CIC: variants seen among roughly 807,000 people sequenced by gnomAD.
CIC encodes the protein capicua transcriptional repressor.
In CIC, 18 loss-of-function variants were observed where a neutral mutation model predicts 115.7. The observed-to-expected ratio is 0.16, with a 90% CI of 0.11 to 0.23. The LOEUF (loss-of-function observed/expected upper bound fraction) is 0.23, where lower values mean the gene tolerates loss of function less well. Ranked by LOEUF, CIC falls within the 10% of genes least tolerant of loss-of-function variation. The probability of loss-of-function intolerance (pLI) is 1.00; values close to 1 mark genes in which losing one functional copy is unlikely to be tolerated. For missense variants in CIC, 2,000 were observed against 2,159.3 expected (o/e 0.93, Z 1.46); for synonymous variants, 1,076 against 923.0 (o/e 1.17, Z -3.01).
chr19:42,293,603 C>A lies in CIC; in HGVS notation c.6534C>A (p.Phe2178Leu), dbSNP rs1235302012. 1 of 1,613,832 alleles carries A rather than the reference C, an allele frequency of 6.2e-7. No individual in the cohort carries two copies. Among genetic ancestry groups the A allele is most frequent in the South Asian group, 1.1e-5 (1 of 91,064 alleles). The change falls in exon 17 of 21, where the codon TTC (phenylalanine) becomes TTA (leucine). Residue 2178 changes from phenylalanine (F) to leucine (L), a missense_variant. Transcript: ENST00000681038. ...CATCTCCACCCCAGGCCAGCAAATT[C>A]CCCAGCTCATCTTCAGACTGGCGCG... ...AKGPETMASK[F>L]PSSSSDWRVP...
rs1310469424 is a variant in CIC, at chr19:42,270,578, C to T, written c.-10-1196C>T. Among the ~76,000 whole-genome samples the T allele has an allele frequency of 6.6e-6, 1 of 152,188 alleles. No homozygotes were observed. The highest frequency in any genetic ancestry group is 1.5e-5 in the Non-Finnish European group (1 of 68,034). On this transcript the variant is annotated intron_variant, in intron 1 of 20. Transcript: ENST00000681038. This position sits in a 1 kb window ranked among gnomAD's most constrained non-coding sequence, Gnocchi z 4.1. Reference sequence around the variant, plus strand: ...AGGTTGGCCTGTTGGGCTTGTCCTGCTTTCTTTGACCTTATCCCACCTATC... The same window carrying T: ...AGGTTGGCCTGTTGGGCTTGTCCTGTTTTCTTTGACCTTATCCCACCTATC...
rs375847278 is a variant in CIC at position 42,289,456 on chromosome 19, C to T, written c.4087+50C>T. On this transcript the variant is annotated intron_variant, in intron 9 of 20. Transcript: ENST00000681038. The stretch of plus-strand genomic sequence containing the variant: ...TTGCCCAGGACCCAGCAGGCCAAGG[C>T]TCAGAGGGTGGGCAGAACTTGGATC... 75 of 1,538,496 alleles carry T rather than the reference C, an allele frequency of 4.9e-5. No homozygotes were observed. The African/African-American group carries it at 8.9e-4, about 18-fold the overall frequency.
Position 42,293,139 on chromosome 19 carries a change from C to T in CIC, c.6380C>T (p.Ala2127Val), listed in dbSNP as rs1266596425. ...CCTGGCCCAGTCCGAGAGCCAACTG[C>T]CCCAGAGTCTGAGCTTGAGGGGCAG... is the stretch of plus-strand genomic sequence containing the variant. The part of the protein sequence containing the change: ...LEPGPVREPT[A>V]PESELEGQPT... Residue 2127 changes from alanine (A) to valine (V), a missense_variant, in exon 16 of 21, where the codon GCC becomes GTC. Transcript: ENST00000681038. 1.9e-6 allele frequency: 3 copies of T among 1,607,746 alleles called. No homozygotes were observed. Among genetic ancestry groups the T allele is most frequent in the Non-Finnish European group, 2.5e-6 (3 of 1,177,824 alleles).
rs771503918 is a variant in CIC, at chr19:42,289,174, C to T, written c.3862-7C>T. 14 of 1,613,284 alleles carry T rather than the reference C, an allele frequency of 8.7e-6. No individual in the cohort carries two copies. Among genetic ancestry groups the T allele is most frequent in the Admixed American group, 8.3e-5 (5 of 60,028 alleles). The stretch of plus-strand genomic sequence containing the variant: ...CCGCTGAACCCTCTCTGCCACCTAT[C>T]CTGCAGATGGTGTCTGGCCCTGCAT... On this transcript the variant is annotated splice_region_variant and splice_polypyrimidine_tract_variant and intron_variant, in intron 8 of 20. Coordinates refer to ENST00000681038, the MANE Select transcript of CIC (RefSeq NM_001386298.1).
Position 42,295,143 on chromosome 19 carries a change from G to GGGGGGGCCCCCCCCCCC in CIC, c.7506_7507insGGGGGGCCCCCCCCCCC (p.Pro2503GlyfsTer32). 1 of 1,382,722 alleles carries GGGGGGGCCCCCCCCCCC rather than the reference G, an allele frequency of 7.2e-7. No individual in the cohort carries two copies. Among genetic ancestry groups the GGGGGGGCCCCCCCCCCC allele is most frequent in the Non-Finnish European group, 9.6e-7 (1 of 1,037,810 alleles). 85.7% of individuals were successfully genotyped at this position (1,382,722 alleles called of 1,614,324 possible). On this transcript the variant is annotated frameshift_variant, in exon 21 of 21. Transcript: ENST00000681038. LOFTEE classifies it high-confidence loss of function. Reference sequence around the variant, plus strand: ...AGCCTGGCTGGGAGGGGGCTCCCCAGCCCTCCCCCCCACCCCCAGGTCCCT... The same window carrying GGGGGGGCCCCCCCCCCC: ...AGCCTGGCTGGGAGGGGGCTCCCCAGGGGGGGCCCCCCCCCCCCCCTCCCCCCCACCCCCAGGTCCCT...
Position 42,295,143 on chromosome 19 carries a change from G to GGGGGCC in CIC, c.7506_7507insGGGGCC (p.Gln2502_Pro2503insGlyAla). On this transcript the variant is annotated inframe_insertion, in exon 21 of 21. Coordinates refer to ENST00000681038, the MANE Select transcript of CIC (RefSeq NM_001386298.1). Reference sequence around the variant, plus strand: ...AGCCTGGCTGGGAGGGGGCTCCCCAGCCCTCCCCCCCACCCCCAGGTCCCT... The same window carrying GGGGGCC: ...AGCCTGGCTGGGAGGGGGCTCCCCAGGGGGCCCCCTCCCCCCCACCCCCAGGTCCCT... 6.9e-5 allele frequency: 95 copies of GGGGGCC among 1,382,266 alleles called. No homozygotes were observed. Among genetic ancestry groups the GGGGGCC allele is most frequent in the Middle Eastern group, 2.4e-4 (1 of 4,114 alleles). The allele number at this position is 1,382,266 out of a possible 1,614,324, so 85.6% of individuals were successfully genotyped here.
chr19:42,271,958 G>T lies in CIC; in HGVS notation c.175G>T (p.Ala59Ser), dbSNP rs755947345. The T allele has an allele frequency of 5.0e-6, 2 of 399,314 alleles. No homozygotes were observed. Among genetic ancestry groups the T allele is most frequent in the Non-Finnish European group, 8.8e-6 (2 of 226,560 alleles). 24.7% of individuals were successfully genotyped at this position (399,314 alleles called of 1,614,324 possible). ...GCAACCACAGTCCGGGCCCGAAGAGGCTGAGGAAGGGGAGGAGGAGGAGGC... is the reference window on the plus strand; with the variant it reads ...GCAACCACAGTCCGGGCCCGAAGAGTCTGAGGAAGGGGAGGAGGAGGAGGC... ...QPQPQSGPEE[A>S]EEGEEEEAER... Residue 59 changes from alanine to serine, a missense_variant, in exon 2 of 21, where the codon GCT (alanine) becomes TCT (serine). This residue lies in a region of CIC where 222 missense variants were observed against 247.7 expected (regional missense o/e 0.90). Transcript: ENST00000681038.
At chr19:42,283,238 G>C (rs2147112945) in intron 2 of CIC, among the ~76,000 whole-genome samples, 1 of 152,130 alleles carries the variant, frequency 6.6e-6, no homozygotes, top group Admixed American at 6.6e-5. Context: ...TGTGTGTAGT[G>C]GACAAGCAGG....
chr19:42,290,032 A>C (rs1223456519), intron 10 of CIC, 81 bp downstream of exon 10: 4 of 1,437,212 alleles, frequency 2.8e-6, no homozygotes, highest in Non-Finnish European at 3.9e-6. Flanking sequence ...GGCTTGAGAG[A>C]GGGGGAGATT....
rs371262812 is a variant in CIC, at chr19:42,291,355, C to T, written c.5314C>T (p.Arg1772Cys). Residue 1772 changes from arginine to cysteine, a missense_variant, in exon 11 of 21, where the codon CGT becomes TGT. By Grantham distance (180) the Arg-to-Cys change is radical. Around this residue, in one of 8 missense-constraint regions of CIC, gnomAD observed 1,466 missense variants for 1,390.4 expected, o/e 1.05. Transcript: ENST00000681038. ...PSGPAPTTSI[R>C]FTLPPGTSTN... ...CGGCCCTGCACCCACCACCAGCATC[C>T]GTTTCACCCTCCCACCGGGCACTTC... is the stretch of plus-strand genomic sequence containing the variant. 1.5e-5 allele frequency: 24 copies of T among 1,612,816 alleles called. No individual in the cohort carries two copies. Among genetic ancestry groups the T allele is most frequent in the African/African-American group, 1.1e-4 (8 of 75,024 alleles).
intron 2 of CIC, among the ~76,000 whole-genome samples, 183 bp from the exon 3 acceptor site, chr19:42,286,588 G>T (rs573060796): frequency 1.3e-5 from 2 of 148,496 alleles, no homozygotes; most frequent in South Asian, 4.3e-4. Flanking sequence ...TATAAATCTA[G>T]AAACCTTTCA....
Position 42,292,968 on chromosome 19 carries a change from C to T in CIC, c.6209C>T (p.Thr2070Ile), listed in dbSNP as rs797044893. ...PFPSATAGSM[T>I]YSLVAPKAQR... ...TTCTCCCCACTAGCAGGTTCCATGACCTACAGCTTAGTGGCCCCCAAGGCC... is the reference window on the plus strand; with the variant it reads ...TTCTCCCCACTAGCAGGTTCCATGATCTACAGCTTAGTGGCCCCCAAGGCC... Residue 2070 changes from threonine (T) to isoleucine (I), a missense_variant, in exon 16 of 21, where the codon ACC becomes ATC. This residue lies in a region of CIC where 1,466 missense variants were observed against 1,390.4 expected (regional missense o/e 1.05). Coordinates refer to ENST00000681038, the MANE Select transcript of CIC (RefSeq NM_001386298.1). 2.5e-6 allele frequency: 4 copies of T among 1,613,688 alleles called. No individual in the cohort carries two copies. The highest frequency in any genetic ancestry group is 1.1e-5 in the South Asian group (1 of 91,092).
intron 18 of CIC, 29 bp from the exon 19 acceptor site, chr19:42,294,144 C>T (rs774740229): frequency 2.5e-6 from 4 of 1,613,896 alleles, no homozygotes; most frequent in Admixed American, 1.7e-5. Flanking sequence ...CTGGGGCCAC[C>T]TGCACTGAGT....
Position 42,280,262 on chromosome 19 carries a change from T to C in CIC, c.2794+5685T>C, listed in dbSNP as rs2037167256. 1 of 152,078 alleles carries C rather than the reference T, an allele frequency of 6.6e-6. No individual in the cohort carries two copies. The highest frequency in any genetic ancestry group is 6.5e-5 in the Admixed American group (1 of 15,282). 9.4% of individuals were successfully genotyped at this position (152,078 alleles called of 1,614,324 possible). A position where few individuals can be genotyped will look rare whatever the true frequency, so the allele number is the denominator to read the frequency against. ...AAGCTGATTGTGAAGCCAGATAGAT[T>C]TGGGTTCAAATCCCGGCCGTGCCAC... On this transcript the variant is annotated intron_variant, in intron 2 of 20. Transcript: ENST00000681038. The surrounding 1 kb of genome is among the most constrained non-coding windows in gnomAD (Gnocchi z 4.9).
At chr19:42,277,378 T>C (rs2037023799) in intron 2 of CIC, among the ~76,000 whole-genome samples, 1 of 152,160 alleles carries the variant, frequency 6.6e-6, no homozygotes, top group Non-Finnish European at 1.5e-5. Context: ...TACAGGAGTG[T>C]GCCACCACGC....
At position 42,291,606 on chromosome 19, in the gene CIC, A is replaced by G; in HGVS notation, c.5474A>G (p.Gln1825Arg). Residue 1825 changes from glutamine (Q) to arginine (R), a missense_variant, in exon 12 of 21, where the codon CAG (glutamine) becomes CGG (arginine). Coordinates refer to ENST00000681038, the MANE Select transcript of CIC (RefSeq NM_001386298.1). ...GCCCCGCCCCCGGGTGGCTCAGCCC[A>G]GCTGCTGCCTGGGAAGGTCCTAGTG... is the stretch of plus-strand genomic sequence containing the variant. ...VQAPPPGGSA[Q>R]LLPGKVLVPL... 6.2e-7 allele frequency: 1 copy of G among 1,612,974 alleles called. No homozygotes were observed. The highest frequency in any genetic ancestry group is 8.5e-7 in the Non-Finnish European group (1 of 1,179,982).
At position 42,272,921 on chromosome 19, in the gene CIC, G is replaced by A. The variant is rs565655486; in HGVS notation, c.1138G>A (p.Glu380Lys). ...TGCTGCCCTGGACCCCAAACAGCCC[G>A]AGGATGCTGAGGTCTCTAAGATCAG... ...CPAALDPKQP[E>K]DAEVSKISFG... is the part of the protein sequence containing the mutation. Residue 380 changes from glutamate to lysine, a missense_variant, in exon 2 of 21, where the codon GAG becomes AAG. By Grantham distance (56) the Glu-to-Lys change is moderately conservative (BLOSUM62 1). Transcript: ENST00000681038. 6 of 399,210 alleles carry A rather than the reference G, an allele frequency of 1.5e-5. No homozygotes were observed. The highest frequency in any genetic ancestry group is 2.2e-5 in the Non-Finnish European group (5 of 226,484). 24.7% of individuals were successfully genotyped at this position (399,210 alleles called of 1,614,324 possible).
chr19:42,269,704 G>A (rs1397598977), intron 1 of CIC, among the ~76,000 whole-genome samples: 2 of 149,788 alleles, frequency 1.3e-5, no homozygotes, highest in Non-Finnish European at 3.0e-5. Flanking sequence ...GGAGATGGCT[G>A]ACAGGACAGT....
At chr19:42,268,607 C>T (rs2036651669), upstream of CIC, 1 of 152,182 alleles carries the variant, frequency 6.6e-6, no homozygotes, top group Non-Finnish European at 1.5e-5. Context: ...GAGTCGGGGC[C>T]CTGGGTCTAA....
Sources: allele counts gnomAD v4.1 joint callset (sites outside exome capture counted in the v4.1 genomes callset), GRCh38; gene constraint gnomAD v4.1.1; regional missense constraint gnomAD v4.1.1; non-coding constraint Gnocchi (gnomAD v3.1); transcripts MANE v1.5; gene names NCBI Gene and HGNC (gene_info 2026-07-23, HGNC 2026-07-21).